The following RABL6 variants were observed in gnomAD, a reference collection of about 807,000 sequenced individuals.
The protein encoded by RABL6 is RAB, member RAS oncogene family like 6, also known as rab-like protein 6.
RABL6 carries 28 observed loss-of-function variants against 72.9 expected under a neutral mutation model. That is an observed-to-expected ratio of 0.38 (90% CI 0.28 to 0.53). The LOEUF (loss-of-function observed/expected upper bound fraction) is 0.53, where lower values mean the gene tolerates loss of function less well. RABL6 is among the 20% of genes least tolerant of loss of function. The pLI, the probability that RABL6 is intolerant of heterozygous loss-of-function variation, is 0.80. For missense variants in RABL6, 1,029 were observed against 1,008.4 expected (o/e 1.02, Z -0.28); for synonymous variants, 477 against 421.2 (o/e 1.13, Z -1.62).
intron 6 of RABL6, 57 bp from the exon 7 acceptor site, chr9:136,832,208 T>A: frequency 1.3e-6 from 2 of 1,492,280 alleles, no homozygotes; most frequent in Middle Eastern, 1.7e-4. Flanking sequence ...CCAGGGGTGA[T>A]CCTTGGCACC....
At chr9:136,817,939 G>A (rs949120233) in intron 1 of RABL6, among the ~76,000 whole-genome samples, 2 of 151,598 alleles carry the variant, frequency 1.3e-5, no homozygotes, top group African/African-American at 2.4e-5. Flanking sequence ...GCAGGCGCCT[G>A]TAATCCCAGC....
chr9:136,817,786 G>C (rs902390502), intron 1 of RABL6, among the ~76,000 whole-genome samples: 3 of 152,164 alleles, frequency 2.0e-5, no homozygotes, highest in African/African-American at 7.2e-5. Flanking sequence ...AAAGGGGGCC[G>C]GGTGCTGGCT....
intron 1 of RABL6, chr9:136,815,361 G>C (rs992654957): frequency 1.1e-5 from 3 of 276,702 alleles, no homozygotes; most frequent in Non-Finnish European, 2.2e-5. Context: ...CTTCTTGGCT[G>C]GGGTTGCAGC....
chr9:136,810,369 C>T (rs1269243619), intron 1 of RABL6, among the ~76,000 whole-genome samples: 2 of 152,116 alleles, frequency 1.3e-5, no homozygotes, highest in African/African-American at 2.4e-5. Flanking sequence ...ACTTGGAGAA[C>T]AGGTTATGAT....
chr9:136,822,452 G>T (rs1848258352), intron 1 of RABL6, among the ~76,000 whole-genome samples: 1 of 152,190 alleles, frequency 6.6e-6, no homozygotes, highest in Non-Finnish European at 1.5e-5. Flanking sequence ...CTCGGGGTCT[G>T]CCCAGGTCCG....
chr9:136,822,095 AG>A (rs1365964638), intron 1 of RABL6: 33 of 1,287,390 alleles, frequency 2.6e-5, no homozygotes, highest in Non-Finnish European at 3.0e-5. Context: ...GCCAGGAGAG[AG>A]GAGCCGGGTG....
Position 136,839,203 on chromosome 9 carries a change from C to A in RABL6, c.1494-19C>A, listed in dbSNP as rs766993694. ...ACGCCTCCAGAGGACCCTGACTGAC[C>A]CTCTGCTTGTCCACAAAGGTCCTCC... On this transcript the variant is annotated intron_variant, in intron 11 of 14. Coordinates refer to ENST00000311502, the MANE Select transcript of RABL6 (RefSeq NM_024718.5). 6 of 1,595,004 alleles carry A rather than the reference C, an allele frequency of 3.8e-6. No homozygotes were observed. The highest frequency in any genetic ancestry group is 2.7e-5 in the African/African-American group (2 of 74,652).
intron 7 of RABL6, chr9:136,834,380 A>C (rs977730976): frequency 2.5e-5 from 25 of 990,806 alleles, no homozygotes; most frequent in Non-Finnish European, 3.0e-5. Context: ...TCAGAGTAGG[A>C]TCCAGAGTTC....
In RABL6 at chr9:136,834,470, C is replaced by T. The variant is rs950138225; in HGVS notation, c.706-1272C>T. 5.1e-6 allele frequency: 5 copies of T among 982,770 alleles called. No individual in the cohort carries two copies. The African/African-American group carries it at 8.7e-5, about 17-fold the overall frequency. 60.9% of individuals were successfully genotyped at this position (982,770 alleles called of 1,614,324 possible). On this transcript the variant is annotated intron_variant, in intron 7 of 14. Coordinates refer to ENST00000311502, the MANE Select transcript of RABL6 (RefSeq NM_024718.5). ...TTTGTTGTTGTTATAGCCTGGGGAC[C>T]TTAATGACTTTAATACACTCTTTTT...
intron 4 of RABL6, among the ~76,000 whole-genome samples, chr9:136,828,832 G>A (rs1564366651): frequency 6.6e-6 from 1 of 152,212 alleles, no homozygotes; most frequent in South Asian, 2.1e-4. Context: ...TCCCAGTCTC[G>A]GTGGGCTCGG....
At chr9:136,817,744 A>T (rs1270344174) in intron 1 of RABL6, among the ~76,000 whole-genome samples, 1 of 152,142 alleles carries the variant, frequency 6.6e-6, no homozygotes, top group African/African-American at 2.4e-5. Flanking sequence ...GGTGGAGTTG[A>T]GCTCGAAACA....
At chr9:136,818,601 C>G (rs1848175359) in intron 1 of RABL6, among the ~76,000 whole-genome samples, 2 of 151,724 alleles carry the variant, frequency 1.3e-5, no homozygotes, top group Admixed American at 6.6e-5. Context: ...AAAAATTAGC[C>G]AGGCATGGTG....
chr9:136,811,765 T>TA (rs1221656994), intron 1 of RABL6, among the ~76,000 whole-genome samples: 2 of 152,090 alleles, frequency 1.3e-5, no homozygotes, highest in African/African-American at 4.8e-5. Context: ...GTGCTGGGAT[T>TA]ACAGGCGTGA....
At chr9:136,821,848 G>C in intron 1 of RABL6, 10 of 1,213,634 alleles carry the variant, frequency 8.2e-6, no homozygotes, top group Non-Finnish European at 1.0e-5. Context: ...GGGCTCGGCC[G>C]GGAGAAGCGC....
intron 1 of RABL6, chr9:136,814,736 G>A (rs1848082209): frequency 6.6e-6 from 1 of 151,758 alleles, no homozygotes; most frequent in Non-Finnish European, 1.5e-5. Context: ...GGGCGAGAGA[G>A]TGAGACCCTG....
At position 136,831,930 on chromosome 9, in the gene RABL6, G is replaced by A. The variant is rs946722867; in HGVS notation, c.599+69G>A. ...CCGGTGTGCGGGGGAGGGTGCTGAG[G>A]CAGAGGCCCAGGGAGGGGTTAACGT... On this transcript the variant is annotated intron_variant, in intron 6 of 14. Transcript: ENST00000311502. 4 of 1,525,004 alleles carry A rather than the reference G, an allele frequency of 2.6e-6. No homozygotes were observed. The African/African-American group carries it at 5.5e-5, about 21-fold the overall frequency. 94.5% of individuals were successfully genotyped at this position (1,525,004 alleles called of 1,614,324 possible).
At chr9:136,808,505 C>T (rs972667164) in intron 1 of RABL6, 179 bp downstream of exon 1, 9 of 560,232 alleles carry the variant, frequency 1.6e-5, no homozygotes, top group African/African-American at 1.2e-4. Flanking sequence ...GAGGCCAGGC[C>T]AGGGCCGGGT....
chr9:136,824,170 T>G (rs1343156195), intron 2 of RABL6, among the ~76,000 whole-genome samples: 1 of 151,740 alleles, frequency 6.6e-6, no homozygotes, highest in Non-Finnish European at 1.5e-5. Context: ...GGGCTGGGCC[T>G]GGGTAGATGC....
chr9:136,818,370 A>C lies in RABL6; in HGVS notation c.131-5155A>C, dbSNP rs1198078249. Reference sequence around the variant, plus strand: ...AAAACCAGACTCTGTCTCAAAAAAAAAAAAAAAAAAAAAAAAAAAAAAAAA... The same window carrying C: ...AAAACCAGACTCTGTCTCAAAAAAACAAAAAAAAAAAAAAAAAAAAAAAAA... On this transcript the variant is annotated intron_variant, in intron 1 of 14. Transcript: ENST00000311502. Among the ~76,000 whole-genome samples, 140 of 22,926 alleles carry C rather than the reference A, an allele frequency of 6.1e-3. 5 individuals are homozygous for C. The highest frequency in any genetic ancestry group is 0.045 in the East Asian group (26 of 578). The allele number at this position is 22,926 out of a possible 152,430, so 15.0% of individuals were successfully genotyped here.
Sources: gnomAD v4.1 joint callset for allele counts (sites outside exome capture counted in the v4.1 genomes callset) on GRCh38, gnomAD v4.1.1 for gene constraint, MANE v1.5 for transcripts, NCBI Gene and HGNC (gene_info 2026-07-23, HGNC 2026-07-21) for gene names.